CHRM3: variants seen among roughly 807,000 people sequenced by gnomAD.
CHRM3 encodes the protein cholinergic receptor muscarinic 3, also known as muscarinic acetylcholine receptor M3.
In CHRM3, 11 loss-of-function variants were observed where a neutral mutation model predicts 41.8. The ratio of observed to expected loss-of-function variants is 0.26; its 90% CI spans 0.17 to 0.44. The LOEUF is 0.44. CHRM3 is among the 20% of genes least tolerant of loss of function. CHRM3 has a pLI of 1.00. For missense variants in CHRM3, 571 were observed against 745.4 expected (o/e 0.77, Z 2.72); for synonymous variants, 297 against 301.4 (o/e 0.99, Z 0.15).
At chr1:239,509,826 G>A (rs556874620) in intron 2 of CHRM3, among the ~76,000 whole-genome samples, 2 of 152,098 alleles carry the variant, frequency 1.3e-5, no homozygotes, top group Non-Finnish European at 2.9e-5. Context: ...GTTGGCTCAC[G>A]CCTGTAATCC....
intron 3 of CHRM3, among the ~76,000 whole-genome samples, chr1:239,606,941 C>T (rs1186089632): frequency 6.6e-6 from 1 of 152,132 alleles, no homozygotes; most frequent in Non-Finnish European, 1.5e-5. Context: ...GGCCTATGTC[C>T]CCTTTCTCCT....
At chr1:239,403,542 A>G (rs989407969) in intron 1 of CHRM3, among the ~76,000 whole-genome samples, 2 of 152,158 alleles carry the variant, frequency 1.3e-5, no homozygotes, top group Non-Finnish European at 2.9e-5. Flanking sequence ...GTTTTTGTAG[A>G]TACAATGGTT....
At chr1:239,603,423 T>C (rs1029722902) in intron 3 of CHRM3, among the ~76,000 whole-genome samples, 1 of 152,150 alleles carries the variant, frequency 6.6e-6, no homozygotes, top group African/African-American at 2.4e-5. Flanking sequence ...GGTCACGGAT[T>C]CTGTGGCCTT....
At chr1:239,878,738 T>A (rs1677334781) in intron 6 of CHRM3, among the ~76,000 whole-genome samples, 1 of 152,126 alleles carries the variant, frequency 6.6e-6, no homozygotes, top group African/African-American at 2.4e-5. Context: ...AAGACCAGGC[T>A]TCTGCCCTCA....
chr1:239,751,797 T>G (rs1160274892), intron 5 of CHRM3, among the ~76,000 whole-genome samples: 2 of 152,302 alleles, frequency 1.3e-5, no homozygotes, highest in South Asian at 4.1e-4. Context: ...CTGATAAGAT[T>G]CGTGGTGAAT....
intron 2 of CHRM3, among the ~76,000 whole-genome samples, chr1:239,545,012 G>T (rs10925911): frequency 0.64 from 96,824 of 152,118 alleles, 37,226 homozygotes; most frequent in Non-Finnish European, 0.83. Flanking sequence ...TTGCAGATTT[G>T]TGGTGAAGAC....
chr1:239,387,493 C>T lies in CHRM3; in HGVS notation c.-521+266C>T, dbSNP rs1658622185. Among the ~76,000 whole-genome samples, 1 of 151,992 alleles carries T rather than the reference C, an allele frequency of 6.6e-6. No homozygotes were observed. Among genetic ancestry groups the T allele is most frequent in the Non-Finnish European group, 1.5e-5 (1 of 68,000 alleles). ...TGAGGGTGGGGAACGCCCGCTGGCA[C>T]TCAAGTGCCCCGAAAGGGACGGGAA... On this transcript the variant is annotated intron_variant, in intron 1 of 6. Transcript: ENST00000676153. This position sits in a 1 kb window ranked among gnomAD's most constrained non-coding sequence, Gnocchi z 5.1.
In CHRM3 at chr1:239,406,868, T is replaced by C. The variant is rs368881608; in HGVS notation, c.-521+19641T>C. Among the ~76,000 whole-genome samples the C allele has an allele frequency of 9.8e-5, 15 of 152,314 alleles. No individual in the cohort carries two copies. In the East Asian group the frequency reaches 1.2e-3, roughly 12 times the overall value. On this transcript the variant is annotated intron_variant, in intron 1 of 6. Transcript: ENST00000676153. Reference sequence around the variant, plus strand: ...GATGTGTGTTTATAATCTACAAATATGTTAACTTGTAAAATAGAGTTGTCT... The same window carrying C: ...GATGTGTGTTTATAATCTACAAATACGTTAACTTGTAAAATAGAGTTGTCT...
intron 3 of CHRM3, among the ~76,000 whole-genome samples, chr1:239,553,105 C>A (rs1252904403): frequency 6.6e-6 from 1 of 151,964 alleles, no homozygotes; most frequent in Non-Finnish European, 1.5e-5. Flanking sequence ...GTTCTGTGTA[C>A]ACTACTGATT....
intron 2 of CHRM3, among the ~76,000 whole-genome samples, chr1:239,533,144 C>T (rs375373334): frequency 3.5e-4 from 53 of 151,968 alleles, no homozygotes; most frequent in East Asian, 3.1e-3. Context: ...TATGTGAATA[C>T]GATTTTTTAA....
rs115970970 is a variant in CHRM3, at chr1:239,871,932, A to G, written c.-19-35501A>G. ...CTTCCACCACAAACATGCCCAATTT[A>G]CACACAGCCTCTCTACTTCTCAGTA... On this transcript the variant is annotated intron_variant, in intron 6 of 6. Transcript: ENST00000676153. Among the ~76,000 whole-genome samples the G allele has an allele frequency of 9.4e-3, 1,431 of 152,308 alleles. 23 individuals are homozygous for G. Among genetic ancestry groups the G allele is most frequent in the African/African-American group, 0.033 (1,364 of 41,556 alleles).
At chr1:239,859,421 T>TG (rs1217259869) in intron 6 of CHRM3, among the ~76,000 whole-genome samples, 3,125 of 23,974 alleles carry the variant, frequency 0.13, 131 homozygotes, top group African/African-American at 0.2. Flanking sequence ...TTGTTGTTGT[T>TG]TTTTTTTTTT....
chr1:239,446,170 C>T (rs4584379), intron 1 of CHRM3, among the ~76,000 whole-genome samples: 80,721 of 151,638 alleles, frequency 0.53, 21,887 homozygotes, highest in African/African-American at 0.61. Context: ...CTCCTGACCT[C>T]GTGATCCGCC....
chr1:239,907,835 C>T lies in CHRM3; in HGVS notation c.384C>T (p.Tyr128=), dbSNP rs1572658612. ...GVISMNLFTT[Y]IIMNRWALGN... ...TTTCAATGAATCTGTTTACGACCTA[C>T]ATCATCATGAATCGATGGGCCTTAG... The change falls in exon 7 of 7, where the codon TAC becomes TAT. Residue 128 remains tyrosine (Y), a synonymous_variant. Transcript: ENST00000676153. The surrounding 1 kb of genome is among the most constrained non-coding windows in gnomAD (Gnocchi z 5.4). The T allele has an allele frequency of 1.2e-6, 2 of 1,614,224 alleles. No individual in the cohort carries two copies. Among genetic ancestry groups the T allele is most frequent in the Non-Finnish European group, 1.7e-6 (2 of 1,180,038 alleles).
intron 6 of CHRM3, among the ~76,000 whole-genome samples, chr1:239,868,754 C>A (rs891505956): frequency 2.6e-5 from 4 of 152,130 alleles, no homozygotes; most frequent in Non-Finnish European, 5.9e-5. Context: ...CTCAAACCTG[C>A]CTGAGAAGCA....
chr1:239,614,518 T>A (rs993348532), intron 3 of CHRM3, among the ~76,000 whole-genome samples: 1 of 152,192 alleles, frequency 6.6e-6, no homozygotes, highest in African/African-American at 2.4e-5. Context: ...ATTAGAATCC[T>A]AGTTTAAGGA....
chr1:239,855,771 A>G (rs954842318), intron 6 of CHRM3, among the ~76,000 whole-genome samples: 6 of 152,188 alleles, frequency 3.9e-5, no homozygotes, highest in Non-Finnish European at 7.3e-5. Context: ...ACATCTATAA[A>G]CCCACCTTTT....
chr1:239,814,064 T>C (rs1430243782), intron 5 of CHRM3, among the ~76,000 whole-genome samples: 1 of 150,280 alleles, frequency 6.7e-6, no homozygotes, highest in African/African-American at 2.5e-5. Flanking sequence ...ATACATAAAC[T>C]AATGCAGAAA....
chr1:239,713,059 G>A (rs767126285), intron 5 of CHRM3, among the ~76,000 whole-genome samples: 81 of 152,110 alleles, frequency 5.3e-4, no homozygotes, highest in Non-Finnish European at 1.0e-3. Flanking sequence ...AACACTGCCC[G>A]CTAAGCCCGG....
Sources: gnomAD v4.1 joint callset for allele counts (sites outside exome capture counted in the v4.1 genomes callset) on GRCh38, gnomAD v4.1.1 for gene constraint, Gnocchi (gnomAD v3.1) non-coding constraint, MANE v1.5 for transcripts, NCBI Gene and HGNC (gene_info 2026-07-23, HGNC 2026-07-21) for gene names.